The following KCNT2 variants were observed in gnomAD, a reference collection of about 807,000 sequenced individuals.
The protein encoded by KCNT2 is potassium sodium-activated channel subfamily T member 2, also known as potassium channel subfamily T member 2.
KCNT2 carries 67 observed loss-of-function variants against 153.8 expected under a neutral mutation model. That is an observed-to-expected ratio of 0.44 (90% confidence interval 0.36 to 0.53). The LOEUF is 0.53. Ranked by LOEUF, KCNT2 falls within the 20% of genes least tolerant of loss-of-function variation. The pLI is 0.00. For missense variants in KCNT2, 975 were observed against 1,354.8 expected (o/e 0.72, Z 4.40); for synonymous variants, 500 against 458.8 (o/e 1.09, Z -1.15).
chr1:196,487,252 G>A (rs764456401), intron 3 of KCNT2, among the ~76,000 whole-genome samples: 2 of 151,946 alleles, frequency 1.3e-5, no homozygotes, highest in Non-Finnish European at 2.9e-5. Flanking sequence ...CAAAAGTGAT[G>A]TTTGTCATTT....
At chr1:196,515,820 C>A (rs1435431362) in intron 1 of KCNT2, among the ~76,000 whole-genome samples, 1 of 152,146 alleles carries the variant, frequency 6.6e-6, no homozygotes, top group Non-Finnish European at 1.5e-5. Flanking sequence ...CACCCTGGAG[C>A]AACACAGAGC....
chr1:196,342,207 T>C lies in KCNT2; in HGVS notation c.1425A>G (p.Glu475=). ...SRGQEGQQSP[E]QWQKMYGRCS... ...ATCTACCGTACATCTTCTGCCATTG[T>C]TCTGGCGATTGCTGGCCTTCTCTGC... Residue 475 remains glutamate (E), a synonymous_variant, in exon 15 of 28, where the codon GAA becomes GAG. Coordinates refer to ENST00000294725, the MANE Select transcript of KCNT2 (RefSeq NM_198503.5). The C allele has an allele frequency of 1.2e-6, 2 of 1,611,656 alleles. No individual in the cohort carries two copies. Among genetic ancestry groups the C allele is most frequent in the Non-Finnish European group, 1.7e-6 (2 of 1,179,002 alleles).
In KCNT2 at chr1:196,228,123, G is replaced by C; in HGVS notation, c.*101C>G. On this transcript the variant is annotated 3_prime_UTR_variant, in exon 28 of 28. Coordinates refer to ENST00000294725, the MANE Select transcript of KCNT2 (RefSeq NM_198503.5). Reference sequence around the variant, plus strand: ...GAAGAGATTACGTTTTTAAATATGAGAGAATTACATATATTTCCATCTAGT... The same window carrying C: ...GAAGAGATTACGTTTTTAAATATGACAGAATTACATATATTTCCATCTAGT... 3.1e-6 allele frequency: 2 copies of C among 652,074 alleles called. No individual in the cohort carries two copies. Among genetic ancestry groups the C allele is most frequent in the South Asian group, 3.9e-5 (2 of 51,908 alleles). The allele number at this position is 652,074 out of a possible 1,614,324, so 40.4% of individuals were successfully genotyped here.
intron 12 of KCNT2, among the ~76,000 whole-genome samples, chr1:196,402,512 CA>C (rs201093915): frequency 6.7e-6 from 1 of 150,278 alleles, no homozygotes; most frequent in African/African-American, 2.4e-5. Context: ...ACAGCACTCA[CA>C]AAAAAAATTC....
At chr1:196,281,819 C>T (rs539520670) in intron 24 of KCNT2, among the ~76,000 whole-genome samples, 109 of 151,042 alleles carry the variant, frequency 7.2e-4, no homozygotes, top group South Asian at 2.1e-3. Flanking sequence ...TGCAGTGGCG[C>T]GATCTCGGCT....
intron 1 of KCNT2, among the ~76,000 whole-genome samples, chr1:196,585,292 A>T (rs967381105): frequency 2.6e-5 from 4 of 151,562 alleles, no homozygotes; most frequent in African/African-American, 9.7e-5. Context: ...TTCTGTGTCA[A>T]ACACTTTACA....
intron 14 of KCNT2, among the ~76,000 whole-genome samples, chr1:196,369,111 G>C (rs1222825560): frequency 6.6e-6 from 1 of 151,892 alleles, no homozygotes; most frequent in African/African-American, 2.4e-5. Flanking sequence ...TTACCTCATG[G>C]ATGGGACTAA....
chr1:196,425,496 T>TA (rs755534609), intron 11 of KCNT2, among the ~76,000 whole-genome samples: 1 of 151,956 alleles, frequency 6.6e-6, no homozygotes, highest in Non-Finnish European at 1.5e-5. Context: ...ATATGTGGGA[T>TA]AAAAACAGTA....
At chr1:196,426,110 T>TTAGC in intron 10 of KCNT2, 122 bp from the exon 11 acceptor site, 1 of 731,472 alleles carries the variant, frequency 1.4e-6, no homozygotes, top group Non-Finnish European at 2.2e-6. Context: ...CTTTTGCTAA[T>TTAGC]AAAATTTCAC....
rs556778192 is a variant in KCNT2, at chr1:196,402,320, T to C, written c.1186-3649A>G. Among the ~76,000 whole-genome samples the C allele has an allele frequency of 4.0e-5, 6 of 151,712 alleles. No individual in the cohort carries two copies. In the South Asian group the frequency reaches 8.3e-4, roughly 21 times the overall value. ...ACTTCTATAAAATATATAATCTGAA[T>C]AAAGCACAATTTATAATATTGTTTA... On this transcript the variant is annotated intron_variant, in intron 12 of 27. Coordinates refer to ENST00000294725, the MANE Select transcript of KCNT2 (RefSeq NM_198503.5).
At chr1:196,549,249 T>TTTTG (rs1414428866) in intron 1 of KCNT2, among the ~76,000 whole-genome samples, 1 of 150,576 alleles carries the variant, frequency 6.6e-6, no homozygotes, top group African/African-American at 2.5e-5. Flanking sequence ...TGTGACCCTG[T>TTTTG]TTTGTTTGTT....
chr1:196,408,030 G>C (rs955099750), intron 12 of KCNT2, among the ~76,000 whole-genome samples: 3 of 151,164 alleles, frequency 2.0e-5, no homozygotes, highest in South Asian at 4.2e-4. Context: ...TTCTTTCTCT[G>C]CTCCTTTGGG....
chr1:196,420,725 C>G (rs1460242413), intron 12 of KCNT2, among the ~76,000 whole-genome samples: 1 of 151,988 alleles, frequency 6.6e-6, no homozygotes, highest in Non-Finnish European at 1.5e-5. Context: ...ATGGACCAGG[C>G]TGTAATGCTT....
chr1:196,312,984 C>T (rs985335821), intron 21 of KCNT2, among the ~76,000 whole-genome samples: 1 of 151,330 alleles, frequency 6.6e-6, no homozygotes, highest in African/African-American at 2.4e-5. Flanking sequence ...GGGTAGAGAA[C>T]CTAAAAGGAG....
chr1:196,519,762 A>G (rs1653098567), intron 1 of KCNT2, among the ~76,000 whole-genome samples: 1 of 152,146 alleles, frequency 6.6e-6, no homozygotes, highest in Non-Finnish European at 1.5e-5. Flanking sequence ...GATTCCCTGA[A>G]CAGACCAAAA....
chr1:196,341,448 G>A (rs114743414), intron 15 of KCNT2, among the ~76,000 whole-genome samples: 2,527 of 151,904 alleles, frequency 0.017, 35 homozygotes, highest in Middle Eastern at 0.058. Context: ...ATAAGTTGGG[G>A]GTTCCTGTAC....
intron 3 of KCNT2, among the ~76,000 whole-genome samples, chr1:196,487,564 A>G (rs1042317385): frequency 2.0e-5 from 3 of 152,090 alleles, no homozygotes; most frequent in Non-Finnish European, 4.4e-5. Context: ...AATTTTTGAG[A>G]TTTGTTAGAG....
chr1:196,354,233 A>C (rs1666992844), intron 14 of KCNT2, among the ~76,000 whole-genome samples: 1 of 151,876 alleles, frequency 6.6e-6, no homozygotes, highest in South Asian at 2.1e-4. Flanking sequence ...CATTAGTGGG[A>C]GTCTACCTCT....
chr1:196,308,806 C>A (rs1270728736), intron 21 of KCNT2, among the ~76,000 whole-genome samples: 1 of 151,854 alleles, frequency 6.6e-6, no homozygotes, highest in Non-Finnish European at 1.5e-5. Context: ...CACAGATGAT[C>A]CAAATAAAAT....
Sources: gnomAD v4.1 joint callset for allele counts (sites outside exome capture counted in the v4.1 genomes callset) on GRCh38, gnomAD v4.1.1 for gene constraint, MANE v1.5 for transcripts, NCBI Gene and HGNC (gene_info 2026-07-23, HGNC 2026-07-21) for gene names.